RGS12: variants seen among roughly 807,000 people sequenced by gnomAD.
The protein encoded by RGS12 is regulator of G-protein signaling 12.
In RGS12, 66 loss-of-function variants were observed where a neutral mutation model predicts 120.1. That is an observed-to-expected ratio of 0.55 (90% CI 0.45 to 0.67). The LOEUF is 0.67. Ranked by LOEUF, RGS12 falls within the 30% of genes least tolerant of loss-of-function variation. RGS12 has a pLI of 0.00. For missense variants in RGS12, 1,859 were observed against 1,957.7 expected (o/e 0.95, Z 0.95); for synonymous variants, 827 against 804.7 (o/e 1.03, Z -0.47).
upstream of RGS12, among the ~76,000 whole-genome samples, chr4:3,288,163 T>G: frequency 6.6e-6 from 1 of 150,762 alleles, no homozygotes; most frequent in East Asian, 1.9e-4. The surrounding 1 kb of genome is among the most constrained non-coding windows in gnomAD (Gnocchi z 5.2). Flanking sequence ...GCATGGGGAG[T>G]GTGCGCAGAC....
intron 1 of RGS12, among the ~76,000 whole-genome samples, chr4:3,308,888 A>G (rs1168571850): frequency 6.6e-6 from 1 of 152,210 alleles, no homozygotes; most frequent in Non-Finnish European, 1.5e-5. Context: ...GAAGGCTGAG[A>G]GGTCTTCCTG....
At chr4:3,293,431 C>G (rs1723166619) in intron 1 of RGS12, among the ~76,000 whole-genome samples, 2 of 146,138 alleles carry the variant, frequency 1.4e-5, no homozygotes, top group African/African-American at 5.1e-5. Flanking sequence ...CTTGGCGGGA[C>G]CCGCGGGGGC....
chr4:3,302,483 C>G (rs1015168143), intron 1 of RGS12, among the ~76,000 whole-genome samples: 10 of 152,242 alleles, frequency 6.6e-5, no homozygotes, highest in African/African-American at 2.4e-4. Flanking sequence ...GTGTGGCCTT[C>G]AAAACCACAG....
intron 3 of RGS12, among the ~76,000 whole-genome samples, chr4:3,383,148 G>A (rs1577021420): frequency 6.6e-6 from 1 of 152,294 alleles, no homozygotes; most frequent in East Asian, 1.9e-4. Context: ...GGCTGAGCTG[G>A]ATGGAGGATC....
At chr4:3,431,900 C>T (rs1300203455) in intron 17 of RGS12, 32 of 985,376 alleles carry the variant, frequency 3.2e-5, no homozygotes, top group Non-Finnish European at 3.6e-5. Flanking sequence ...GCCTGGACCT[C>T]GCCGGGGGAC....
chr4:3,428,850 G>A (rs1224503806), intron 16 of RGS12, 139 bp downstream of exon 16: 10 of 738,342 alleles, frequency 1.4e-5, no homozygotes, highest in East Asian at 5.5e-5. Context: ...TGTTTCTCCC[G>A]GGGGCAGTCT....
chr4:3,294,759 C>T (rs1723268912), intron 1 of RGS12, among the ~76,000 whole-genome samples: 1 of 152,240 alleles, frequency 6.6e-6, no homozygotes. Flanking sequence ...GACAGGCTTA[C>T]AGTTCTAGCC....
chr4:3,370,640 A>G (rs540101381), intron 3 of RGS12, among the ~76,000 whole-genome samples: 1 of 152,348 alleles, frequency 6.6e-6, no homozygotes, highest in Admixed American at 6.5e-5. Context: ...GGTAATTCTC[A>G]TAGATTTGAA....
chr4:3,317,308 C>G lies in RGS12; in HGVS notation c.1138C>G (p.Leu380Val). The change falls in exon 2 of 18, where the codon CTC becomes GTC. Residue 380 changes from leucine (L) to valine (V), a missense_variant. This residue lies in a region of RGS12 where 967 missense variants were observed against 994.2 expected (regional missense o/e 0.97). Transcript: ENST00000336727. ...CTGTCTGGAATTCCCGGCGTCCTCC[C>G]TCCCCGTCCTGCAGTTCATCTCTGT... ...NGCLEFPASS[L>V]PVLQFISVLY... 6.2e-7 allele frequency: 1 copy of G among 1,614,184 alleles called. No individual in the cohort carries two copies. Among genetic ancestry groups the G allele is most frequent in the Non-Finnish European group, 8.5e-7 (1 of 1,180,052 alleles).
intron 2 of RGS12, among the ~76,000 whole-genome samples, chr4:3,327,505 A>G (rs1313771432): frequency 6.6e-6 from 1 of 152,252 alleles, no homozygotes; most frequent in Non-Finnish European, 1.5e-5. Context: ...GCAGGATGGA[A>G]GAAAGTATTT....
At chr4:3,412,925 C>A (rs1721890001) in intron 4 of RGS12, 1 of 152,372 alleles carries the variant, frequency 6.6e-6, no homozygotes, top group African/African-American at 2.4e-5. Context: ...TTCTTGGGCT[C>A]AGGCCAGGCC....
intron 3 of RGS12, among the ~76,000 whole-genome samples, chr4:3,354,962 A>G (rs534660509): frequency 7.9e-5 from 12 of 152,248 alleles, no homozygotes; most frequent in African/African-American, 1.2e-4. Context: ...TGAGGCTACC[A>G]TATAACCTTG....
At position 3,366,621 on chromosome 4, in the gene RGS12, G is replaced by A. The variant is rs1224357420; in HGVS notation, c.1999-19795G>A. 6.6e-6 allele frequency among the ~76,000 whole-genome samples: 1 copy of A among 152,256 alleles called. No individual in the cohort carries two copies. The highest frequency in any genetic ancestry group is 1.5e-5 in the Non-Finnish European group (1 of 68,046). On this transcript the variant is annotated intron_variant, in intron 3 of 17. Transcript: ENST00000336727. The surrounding 1 kb of genome is among the most constrained non-coding windows in gnomAD (Gnocchi z 4.0). ...GTTCCGCGCCCGTCTCCTTTCTGCT[G>A]TTGAGAAACCTTCAGGAGAGAGTGC...
Position 3,414,819 on chromosome 4 carries a change from A to G in RGS12, c.2258A>G (p.His753Arg). The G allele has an allele frequency of 6.2e-7, 1 of 1,613,446 alleles. No homozygotes were observed. Among genetic ancestry groups the G allele is most frequent in the South Asian group, 1.1e-5 (1 of 91,064 alleles). ...LFWQACEYFN[H>R]VPAHDKKELS... ...TGGCAGGCCTGTGAATATTTTAATCATGTTCCTGCACATGACAAAAAGGAG... is the reference window on the plus strand; with the variant it reads ...TGGCAGGCCTGTGAATATTTTAATCGTGTTCCTGCACATGACAAAAAGGAG... The change falls in exon 6 of 18, where the codon CAT (histidine) becomes CGT (arginine). Residue 753 changes from histidine (H) to arginine (R), a missense_variant. Transcript: ENST00000336727.
intron 1 of RGS12, among the ~76,000 whole-genome samples, chr4:3,308,178 G>C (rs1175455991): frequency 6.6e-6 from 1 of 152,238 alleles, no homozygotes; most frequent in East Asian, 1.9e-4. Context: ...GGAATTGCAG[G>C]TCTGCGTCTG....
intron 3 of RGS12, among the ~76,000 whole-genome samples, chr4:3,353,047 C>T (rs1714516883): frequency 6.6e-6 from 1 of 152,208 alleles, no homozygotes; most frequent in Non-Finnish European, 1.5e-5. Flanking sequence ...CTCGCACCCT[C>T]CAGAGTGCGT....
intron 4 of RGS12, among the ~76,000 whole-genome samples, chr4:3,411,330 G>A (rs1198005221): frequency 6.6e-6 from 1 of 151,986 alleles, no homozygotes; most frequent in Non-Finnish European, 1.5e-5. Flanking sequence ...TGGTCTGTGT[G>A]TGTTCTCGTG....
intron 1 of RGS12, among the ~76,000 whole-genome samples, chr4:3,309,732 C>T (rs1724237249): frequency 7.3e-6 from 1 of 137,770 alleles, no homozygotes; most frequent in African/African-American, 2.7e-5. Context: ...GGCAGGTGTC[C>T]TCTGAGGAGA....
rs149055942 is a variant in RGS12, at chr4:3,422,083, C to T, written c.2839-293C>T. Among the ~76,000 whole-genome samples, 657 of 152,326 alleles carry T rather than the reference C, an allele frequency of 4.3e-3. 2 individuals are homozygous for T. The highest frequency in any genetic ancestry group is 7.5e-3 in the Non-Finnish European group (510 of 68,028). On this transcript the variant is annotated intron_variant, in intron 10 of 17. Transcript: ENST00000336727. Reference sequence around the variant, plus strand: ...GGCAGCTTCAGTGGGCCCCGCAGGACAGCCCTGCTTCTGGGTGGAGAAGCC... The same window carrying T: ...GGCAGCTTCAGTGGGCCCCGCAGGATAGCCCTGCTTCTGGGTGGAGAAGCC...
Sources: gnomAD v4.1 joint callset for allele counts (sites outside exome capture counted in the v4.1 genomes callset) on GRCh38, gnomAD v4.1.1 for gene constraint, gnomAD v4.1.1 regional missense constraint, Gnocchi (gnomAD v3.1) non-coding constraint, MANE v1.5 for transcripts, NCBI Gene and HGNC (gene_info 2026-07-23, HGNC 2026-07-21) for gene names.